The following PDE10A variants were observed in gnomAD, a reference collection of about 807,000 sequenced individuals.
PDE10A encodes the protein cAMP and cAMP-inhibited cGMP 3',5'-cyclic phosphodiesterase 10A.
PDE10A carries 39 observed loss-of-function variants against 97.7 expected under a neutral mutation model. The ratio of observed to expected loss-of-function variants is 0.40; its 90% CI spans 0.31 to 0.52. PDE10A has a LOEUF of 0.52. Among genes scored for constraint, PDE10A ranks in the 20% least tolerant of loss-of-function variants. The probability of loss-of-function intolerance (pLI) is 0.56; values close to 1 mark genes in which losing one functional copy is unlikely to be tolerated. For missense variants in PDE10A, 731 were observed against 1,047.8 expected (o/e 0.70, Z 4.17); for synonymous variants, 371 against 376.8 (o/e 0.98, Z 0.18).
chr6:165,393,107 T>A (rs919576401), intron 15 of PDE10A, among the ~76,000 whole-genome samples: 1 of 152,148 alleles, frequency 6.6e-6, no homozygotes, highest in African/African-American at 2.4e-5. Flanking sequence ...TCTTCTTTAG[T>A]TTTACGTTCA....
intron 1 of PDE10A, among the ~76,000 whole-genome samples, chr6:165,548,308 T>C (rs4709079): frequency 0.011 from 1,532 of 145,280 alleles, 82 homozygotes; most frequent in East Asian, 0.097. Context: ...TTTTTACTGC[T>C]TGTTGGTCTG....
chr6:165,684,089 A>T (rs1048144905), intron 1 of PDE10A, among the ~76,000 whole-genome samples: 1 of 152,118 alleles, frequency 6.6e-6, no homozygotes, highest in Non-Finnish European at 1.5e-5. Flanking sequence ...TTCCCAGACC[A>T]CACTATTTAA....
intron 3 of PDE10A, among the ~76,000 whole-genome samples, chr6:165,474,387 C>A (rs1583357161): frequency 6.6e-6 from 1 of 152,176 alleles, no homozygotes; most frequent in Admixed American, 6.5e-5. Context: ...CAGGGAGACA[C>A]TCCTGTGTGA....
Position 165,577,361 on chromosome 6 carries a change from A to G in PDE10A, c.866-33793T>C, listed in dbSNP as rs145939362. ...GAGTGATCCTTGGGCCCAAAAGTCC[A>G]TGACCAGCCCATGCCCGGCTGGCAT... is the stretch of plus-strand genomic sequence containing the variant. On this transcript the variant is annotated intron_variant, in intron 1 of 21. Coordinates refer to ENST00000539869, the MANE Select transcript of PDE10A (RefSeq NM_001385079.1). Among the ~76,000 whole-genome samples the G allele has an allele frequency of 3.3e-3, 504 of 152,264 alleles. 5 individuals are homozygous for G. Among genetic ancestry groups the G allele is most frequent in the African/African-American group, 0.012 (478 of 41,548 alleles).
chr6:165,507,421 T>C (rs1457712006), intron 2 of PDE10A, among the ~76,000 whole-genome samples: 1 of 152,100 alleles, frequency 6.6e-6, no homozygotes, highest in Non-Finnish European at 1.5e-5. Context: ...ACAGTACTTG[T>C]AAATTAATGT....
chr6:165,705,161 G>C (rs1358585099), intron 1 of PDE10A, among the ~76,000 whole-genome samples: 1 of 152,258 alleles, frequency 6.6e-6, no homozygotes, highest in East Asian at 1.9e-4. Flanking sequence ...AGGGCTCACT[G>C]TACCTGTTTA....
At chr6:165,969,756 C>T (rs1261306525) in intron 1 of PDE10A, among the ~76,000 whole-genome samples, 1 of 152,098 alleles carries the variant, frequency 6.6e-6, no homozygotes, top group Non-Finnish European at 1.5e-5. Context: ...AAGGAGCTCC[C>T]ACTGCCCAAA....
At chr6:165,919,509 C>T (rs1782695136) in intron 1 of PDE10A, among the ~76,000 whole-genome samples, 1 of 152,218 alleles carries the variant, frequency 6.6e-6, no homozygotes, top group Admixed American at 6.5e-5. Flanking sequence ...TCTGTTAAGG[C>T]TGAGTAGTGA....
chr6:165,503,540 G>A (rs1410772509), intron 2 of PDE10A, among the ~76,000 whole-genome samples: 1 of 152,142 alleles, frequency 6.6e-6, no homozygotes, highest in Non-Finnish European at 1.5e-5. Context: ...AACAGGCCTT[G>A]GAAACGTGGC....
chr6:165,384,706 T>C (rs13205683), intron 17 of PDE10A, among the ~76,000 whole-genome samples: 54,108 of 130,020 alleles, frequency 0.42, 13,451 homozygotes, highest in African/African-American at 0.53. Flanking sequence ...TTTTCAAGTC[T>C]ATTGTATTAT....
intron 5 of PDE10A, among the ~76,000 whole-genome samples, chr6:165,447,073 A>G (rs1006792813): frequency 2.6e-5 from 4 of 152,168 alleles, no homozygotes; most frequent in African/African-American, 9.7e-5. Context: ...AGGCCAGTGT[A>G]TAAAGAAGTC....
At chr6:165,924,228 TTAC>T (rs1782852911) in intron 1 of PDE10A, among the ~76,000 whole-genome samples, 1 of 152,120 alleles carries the variant, frequency 6.6e-6, no homozygotes, top group African/African-American at 2.4e-5. Context: ...AACTCGTGGC[TTAC>T]ATATTGGATA....
chr6:165,861,340 A>G (rs1243008635), intron 1 of PDE10A, among the ~76,000 whole-genome samples: 2 of 151,772 alleles, frequency 1.3e-5, no homozygotes, highest in East Asian at 3.9e-4. Context: ...CTGACATTCC[A>G]GTGGGAAGAC....
intron 1 of PDE10A, among the ~76,000 whole-genome samples, chr6:165,911,566 G>A (rs547484872): frequency 2.0e-5 from 3 of 152,074 alleles, no homozygotes; most frequent in African/African-American, 4.8e-5. Context: ...TCTCTGGGGC[G>A]GCCACTAAAA....
intron 1 of PDE10A, among the ~76,000 whole-genome samples, chr6:165,577,232 C>T (rs1361140278): frequency 6.6e-6 from 1 of 152,212 alleles, no homozygotes; most frequent in Non-Finnish European, 1.5e-5. Context: ...CAGCCCCATG[C>T]CAGCGTACAG....
chr6:165,366,529 C>A (rs1174298925), intron 18 of PDE10A, among the ~76,000 whole-genome samples: 1 of 151,980 alleles, frequency 6.6e-6, no homozygotes, highest in African/African-American at 2.4e-5. Context: ...TAAAAACTGG[C>A]GTAAGTGGAA....
intron 1 of PDE10A, among the ~76,000 whole-genome samples, chr6:165,943,318 G>GAAAAGAAAA (rs1406100457): frequency 6.0e-5 from 4 of 67,006 alleles, no homozygotes; most frequent in Admixed American, 1.3e-4. Flanking sequence ...AAGGAAGGAA[G>GAAAAGAAAA]GAAAGAAAGA....
At chr6:165,635,893 A>T (rs914664915) in intron 1 of PDE10A, among the ~76,000 whole-genome samples, 1 of 152,230 alleles carries the variant, frequency 6.6e-6, no homozygotes, top group Admixed American at 6.5e-5. Context: ...TTAATAGAAA[A>T]ATATTATATA....
chr6:165,766,853 T>C (rs1777863424), intron 1 of PDE10A, among the ~76,000 whole-genome samples: 2 of 152,252 alleles, frequency 1.3e-5, no homozygotes, highest in South Asian at 4.1e-4. Context: ...TGTAAAACTT[T>C]GGAGGCAAGA....
Sources: gnomAD v4.1 joint callset for allele counts (sites outside exome capture counted in the v4.1 genomes callset) on GRCh38, gnomAD v4.1.1 for gene constraint, MANE v1.5 for transcripts, NCBI Gene and HGNC (gene_info 2026-07-23, HGNC 2026-07-21) for gene names.